Variants in TBC1D12 observed in about 807,000 individuals in gnomAD.
The protein encoded by TBC1D12 is TBC1 domain family member 12.
Under a neutral mutation model 86.7 loss-of-function variants are expected in TBC1D12, and 56 were observed. The ratio of observed to expected loss-of-function variants is 0.65; its 90% confidence interval spans 0.52 to 0.81. The LOEUF is 0.81. Ranked by LOEUF, TBC1D12 falls within the 30% of genes least tolerant of loss-of-function variation. The pLI, the probability that TBC1D12 is intolerant of heterozygous loss-of-function variation, is 0.00. For synonymous variants in TBC1D12, 421 were observed against 411.7 expected, an observed-to-expected ratio of 1.02 and a Z score of -0.27; for missense variants, 1,023 against 1,038.8, an observed-to-expected ratio of 0.98 and a Z score of 0.21.
intron 2 of TBC1D12, among the ~76,000 whole-genome samples, chr10:94,442,432 A>G (rs2055396089): frequency 6.6e-6 from 1 of 152,188 alleles, no homozygotes. Flanking sequence ...TGAGTAGATT[A>G]TGAGGTTGAA....
intron 1 of TBC1D12, among the ~76,000 whole-genome samples, chr10:94,432,042 T>G (rs1410327269): frequency 6.6e-6 from 1 of 152,170 alleles, no homozygotes; most frequent in Non-Finnish European, 1.5e-5. Context: ...CTTGAACACA[T>G]CTGGTTTGTT....
intron 3 of TBC1D12, among the ~76,000 whole-genome samples, chr10:94,476,427 G>A (rs1173940698): frequency 6.6e-6 from 1 of 152,054 alleles, no homozygotes; most frequent in Non-Finnish European, 1.5e-5. Context: ...TAGAAACTTA[G>A]TTATGAGAAC....
At chr10:94,407,518 C>T (rs2054872532) in intron 1 of TBC1D12, among the ~76,000 whole-genome samples, 1 of 152,088 alleles carries the variant, frequency 6.6e-6, no homozygotes, top group Admixed American at 6.5e-5. Flanking sequence ...CCTGTCTCTA[C>T]TACAAATACA....
intron 10 of TBC1D12, 24 bp from the exon 11 acceptor site, chr10:94,522,319 AT>A (rs1842173738): frequency 8.0e-7 from 1 of 1,254,896 alleles, no homozygotes. Context: ...TACTTTCATA[AT>A]TTTATTGATT....
At chr10:94,485,089 CCTTCT>C (rs2056139904) in intron 3 of TBC1D12, among the ~76,000 whole-genome samples, 2 of 152,100 alleles carry the variant, frequency 1.3e-5, no homozygotes, top group Non-Finnish European at 2.9e-5. Flanking sequence ...CCCTTTATTT[CCTTCT>C]CTTGTCTGAT....
At chr10:94,511,174 T>C (rs964420678) in intron 8 of TBC1D12, among the ~76,000 whole-genome samples, 1 of 147,222 alleles carries the variant, frequency 6.8e-6, no homozygotes, top group Non-Finnish European at 1.5e-5. Context: ...CCTGGCTCAG[T>C]GCAACCACTG....
In TBC1D12 at chr10:94,526,805, C is replaced by T. The variant is rs117745856; in HGVS notation, c.2000+4352C>T. ...TTCTATTTGTAGTTTTCTGAGGAAT[C>T]GCCATACTGTTCTCCATAGTGGCTG... On this transcript the variant is annotated intron_variant, in intron 11 of 12. Coordinates refer to ENST00000225235, the MANE Select transcript of TBC1D12 (RefSeq NM_015188.2). Among the ~76,000 whole-genome samples the T allele has an allele frequency of 2.5e-3, 380 of 152,254 alleles. 9 individuals are homozygous for T. The East Asian group carries it at 0.06, about 24-fold the overall frequency.
chr10:94,523,192 C>CAAAA (rs33935088), intron 11 of TBC1D12, among the ~76,000 whole-genome samples: 5,638 of 43,886 alleles, frequency 0.13, 724 homozygotes, highest in East Asian at 0.28. Flanking sequence ...AACTCTATCT[C>CAAAA]AAAAAAAAAA....
intron 11 of TBC1D12, among the ~76,000 whole-genome samples, chr10:94,523,239 A>G (rs2134226663): frequency 6.7e-6 from 1 of 148,996 alleles, no homozygotes; most frequent in African/African-American, 2.4e-5. Flanking sequence ...CTGGGTTGAA[A>G]TCAGAATCTC....
chr10:94,474,831 A>C, intron 3 of TBC1D12, 48 bp downstream of exon 3: 1 of 1,505,620 alleles, frequency 6.6e-7, no homozygotes, highest in Non-Finnish European at 9.1e-7. Context: ...TTTTAAAGTT[A>C]AATTTAATTT....
intron 3 of TBC1D12, among the ~76,000 whole-genome samples, chr10:94,491,605 CTT>C (rs980239840): frequency 1.3e-5 from 2 of 152,152 alleles, no homozygotes; most frequent in African/African-American, 4.8e-5. Context: ...CCAGAAATAA[CTT>C]TTAATTTTTA....
intron 1 of TBC1D12, among the ~76,000 whole-genome samples, chr10:94,415,754 G>C (rs1205740499): frequency 6.6e-6 from 1 of 152,028 alleles, no homozygotes; most frequent in Non-Finnish European, 1.5e-5. Context: ...TCAAAAAAAA[G>C]ACTAATAAAA....
At chr10:94,475,676 T>C (rs937660329) in intron 3 of TBC1D12, among the ~76,000 whole-genome samples, 7 of 152,192 alleles carry the variant, frequency 4.6e-5, no homozygotes, top group African/African-American at 1.7e-4. Context: ...CCTCAAGTGG[T>C]CCACCCATCT....
chr10:94,500,087 A>G, intron 5 of TBC1D12, 134 bp from the exon 6 acceptor site: 1 of 733,418 alleles, frequency 1.4e-6, no homozygotes, highest in Non-Finnish European at 2.2e-6. Flanking sequence ...AAAAGAATGC[A>G]TTACATACTT....
chr10:94,490,954 G>A (rs2056237753), intron 3 of TBC1D12, among the ~76,000 whole-genome samples: 1 of 151,770 alleles, frequency 6.6e-6, no homozygotes. Flanking sequence ...AGGACTCTCT[G>A]CAGCTCCCTT....
rs1842527368 is a variant in TBC1D12, at chr10:94,535,600, T to C, written c.*2504T>C. 6.6e-6 allele frequency: 1 copy of C among 152,140 alleles called. No individual in the cohort carries two copies. Among genetic ancestry groups the C allele is most frequent in the East Asian group, 1.9e-4 (1 of 5,198 alleles). The allele number at this position is 152,140 out of a possible 1,614,324, so 9.4% of individuals were successfully genotyped here. A position where few individuals can be genotyped will look rare whatever the true frequency, so the allele number is the denominator to read the frequency against. ...TGGAGACTGGTAATATAATAAAATA[T>C]TGAAGGAGTGGCCATGGTCTTAGCA... On this transcript the variant is annotated 3_prime_UTR_variant, in exon 13 of 13. Coordinates refer to ENST00000225235, the MANE Select transcript of TBC1D12 (RefSeq NM_015188.2).
intron 5 of TBC1D12, among the ~76,000 whole-genome samples, chr10:94,499,199 G>A (rs538845758): frequency 9.9e-5 from 15 of 152,250 alleles, no homozygotes; most frequent in African/African-American, 3.4e-4. Context: ...TAGCAATTTT[G>A]AAACATACAG....
intron 11 of TBC1D12, among the ~76,000 whole-genome samples, chr10:94,523,192 C>CAAAAAAAAAAAAAAAAAAAAAAAAAAAA (rs33935088): frequency 2.3e-5 from 1 of 44,076 alleles, no homozygotes. Flanking sequence ...AACTCTATCT[C>CAAAAAAAAAAAAAAAAAAAAAAAAAAAA]AAAAAAAAAA....
intron 3 of TBC1D12, among the ~76,000 whole-genome samples, chr10:94,479,361 A>AACATACTTAAAATT (rs2056043714): frequency 6.6e-6 from 1 of 152,162 alleles, no homozygotes; most frequent in Admixed American, 6.5e-5. Flanking sequence ...TTTAAGTATT[A>AACATACTTAAAATT]ACATAATGAA....
Sources: allele counts gnomAD v4.1 joint callset (sites outside exome capture counted in the v4.1 genomes callset), GRCh38; gene constraint gnomAD v4.1.1; transcripts MANE v1.5; gene names NCBI Gene and HGNC (gene_info 2026-07-23, HGNC 2026-07-21).